The following DLGAP2 variants were observed in gnomAD, a reference collection of about 807,000 sequenced individuals.
DLGAP2 encodes DLG associated protein 2.
Under a neutral mutation model 100.3 loss-of-function variants are expected in DLGAP2, and 26 were observed. The observed-to-expected ratio is 0.26, with a 90% CI of 0.19 to 0.36. The LOEUF is 0.36. Among genes scored for constraint, DLGAP2 ranks in the 10% least tolerant of loss-of-function variants. The pLI, the probability that DLGAP2 is intolerant of heterozygous loss-of-function variation, is 1.00. For missense variants in DLGAP2, 1,858 were observed against 1,453.2 expected (o/e 1.28, Z -4.53); for synonymous variants, 886 against 630.1 (o/e 1.41, Z -6.08).
chr8:1,472,895 C>T (rs764920214), intron 3 of DLGAP2, among the ~76,000 whole-genome samples: 5 of 152,180 alleles, frequency 3.3e-5, no homozygotes, highest in Non-Finnish European at 5.9e-5. Context: ...CTAAATATTT[C>T]CCTAAAATGA....
At chr8:1,441,285 T>A (rs913001462) in intron 3 of DLGAP2, among the ~76,000 whole-genome samples, 1 of 152,208 alleles carries the variant, frequency 6.6e-6, no homozygotes. Context: ...TAAAATTGCA[T>A]AAAATTACGT....
At chr8:1,690,509 A>C (rs1039550601) in intron 12 of DLGAP2, among the ~76,000 whole-genome samples, 3 of 150,946 alleles carry the variant, frequency 2.0e-5, no homozygotes, top group Non-Finnish European at 4.4e-5. Flanking sequence ...GTTCGAGACC[A>C]GCCTGACCAA....
At chr8:818,497 A>C (rs538987396) in intron 1 of DLGAP2, among the ~76,000 whole-genome samples, 49 of 152,280 alleles carry the variant, frequency 3.2e-4, no homozygotes, top group Non-Finnish European at 3.4e-4. Context: ...AGCCTGCAGC[A>C]CTGATCTAGT....
intron 4 of DLGAP2, among the ~76,000 whole-genome samples, chr8:1,542,255 A>G (rs895876079): frequency 6.6e-6 from 1 of 152,210 alleles, no homozygotes; most frequent in African/African-American, 2.4e-5. Context: ...TTATGGGGAT[A>G]TAAGTCACAC....
chr8:1,098,652 G>A (rs1804475011), intron 2 of DLGAP2, among the ~76,000 whole-genome samples: 2 of 103,792 alleles, frequency 1.9e-5, no homozygotes, highest in African/African-American at 3.5e-5. Context: ...GCCCACGGAC[G>A]CCGCCACCCA....
At chr8:1,251,217 A>G (rs1261572245) in intron 2 of DLGAP2, among the ~76,000 whole-genome samples, 2 of 152,226 alleles carry the variant, frequency 1.3e-5, no homozygotes, top group East Asian at 3.8e-4. Context: ...TTTACTTAGC[A>G]TTTATAAATA....
chr8:1,651,057 T>C (rs535108708), intron 8 of DLGAP2, among the ~76,000 whole-genome samples: 1 of 151,932 alleles, frequency 6.6e-6, no homozygotes, highest in South Asian at 2.1e-4. Flanking sequence ...GGGAATAATA[T>C]GGGGAACTGT....
chr8:910,842 C>T (rs914830164), intron 2 of DLGAP2, among the ~76,000 whole-genome samples: 9 of 151,906 alleles, frequency 5.9e-5, no homozygotes, highest in African/African-American at 1.7e-4. Flanking sequence ...TTTTGGTTAG[C>T]GGGCTATAAA....
At chr8:1,226,818 C>G (rs984911274) in intron 2 of DLGAP2, among the ~76,000 whole-genome samples, 1 of 151,966 alleles carries the variant, frequency 6.6e-6, no homozygotes, top group African/African-American at 2.4e-5. Flanking sequence ...CACTGAGATA[C>G]CACCTCATGC....
intron 1 of DLGAP2, among the ~76,000 whole-genome samples, chr8:805,224 T>C (rs1369470467): frequency 6.6e-6 from 1 of 152,182 alleles, no homozygotes; most frequent in Non-Finnish European, 1.5e-5. Context: ...GCTCTGTCAG[T>C]GGTGATTAGG....
At chr8:1,241,884 T>G (rs1003399767) in intron 2 of DLGAP2, among the ~76,000 whole-genome samples, 12 of 152,202 alleles carry the variant, frequency 7.9e-5, no homozygotes, top group Admixed American at 1.3e-4. Flanking sequence ...TGTCACACTG[T>G]TAAAATGACT....
chr8:1,173,871 A>G (rs1209811041), intron 2 of DLGAP2, among the ~76,000 whole-genome samples: 2 of 152,188 alleles, frequency 1.3e-5, no homozygotes, highest in African/African-American at 2.4e-5. Flanking sequence ...CGGCTCCCGC[A>G]CGGTGCACGC....
chr8:1,123,465 C>T lies in DLGAP2; in HGVS notation c.74-135386C>T, dbSNP rs139176926. On this transcript the variant is annotated intron_variant, in intron 2 of 14. Coordinates refer to ENST00000637795, the MANE Select transcript of DLGAP2 (RefSeq NM_001346810.2). ...TTTTCCAGTAAACAAGGAGGTTCCT[C>T]ATAGTATTTTCCAAGCACACATATC... is the stretch of plus-strand genomic sequence containing the variant. Among the ~76,000 whole-genome samples the T allele has an allele frequency of 2.0e-5, 3 of 152,242 alleles. No individual in the cohort carries two copies. The East Asian group carries it at 5.8e-4, about 29-fold the overall frequency.
chr8:1,663,970 A>G (rs1468895632), intron 8 of DLGAP2, among the ~76,000 whole-genome samples: 1 of 152,206 alleles, frequency 6.6e-6, no homozygotes, highest in East Asian at 1.9e-4. Flanking sequence ...CAGCCCCCAG[A>G]GGAGCCTGCA....
intron 2 of DLGAP2, among the ~76,000 whole-genome samples, chr8:996,430 A>G (rs1800786071): frequency 6.6e-6 from 1 of 152,114 alleles, no homozygotes; most frequent in South Asian, 2.1e-4. Flanking sequence ...AGCAAAGCAA[A>G]GGCCGTTCTG....
At chr8:1,133,775 G>C (rs767973229) in intron 2 of DLGAP2, among the ~76,000 whole-genome samples, 2 of 152,008 alleles carry the variant, frequency 1.3e-5, no homozygotes, top group Admixed American at 6.5e-5. Flanking sequence ...AGATAACACA[G>C]TAGTATTTAA....
chr8:1,389,088 C>G (rs1041950596), intron 3 of DLGAP2, among the ~76,000 whole-genome samples: 25 of 152,154 alleles, frequency 1.6e-4, no homozygotes, highest in African/African-American at 6.0e-4. Flanking sequence ...GGCTCTGGTT[C>G]AGGTGTCAGG....
At chr8:1,170,279 T>A (rs1359336734) in intron 2 of DLGAP2, among the ~76,000 whole-genome samples, 1 of 151,862 alleles carries the variant, frequency 6.6e-6, no homozygotes. Flanking sequence ...GCTGGATTCG[T>A]TTTGCCAGTA....
chr8:850,114 C>CT (rs879468950), intron 1 of DLGAP2, among the ~76,000 whole-genome samples: 1 of 151,236 alleles, frequency 6.6e-6, no homozygotes, highest in Non-Finnish European at 1.5e-5. Flanking sequence ...GGTTTTGAGA[C>CT]TTCCCTCTGT....
Sources: gnomAD v4.1 joint callset for allele counts (sites outside exome capture counted in the v4.1 genomes callset) on GRCh38, gnomAD v4.1.1 for gene constraint, MANE v1.5 for transcripts, NCBI Gene and HGNC (gene_info 2026-07-23, HGNC 2026-07-21) for gene names.